CRNKL1: variants seen among roughly 807,000 people sequenced by gnomAD.
The protein encoded by CRNKL1 is crooked neck-like protein 1.
A neutral mutation model predicts 103.7 loss-of-function variants in CRNKL1; 35 were observed. The ratio of observed to expected loss-of-function variants is 0.34; its 90% confidence interval spans 0.26 to 0.45. The LOEUF (loss-of-function observed/expected upper bound fraction) is 0.45. CRNKL1 is among the 20% of genes least tolerant of loss of function. The probability of loss-of-function intolerance (pLI) is 1.00; values close to 1 mark genes in which losing one functional copy is unlikely to be tolerated. For synonymous variants in CRNKL1, 267 were observed against 282.6 expected (o/e 0.94, Z 0.55); for missense variants, 645 against 836.0 (o/e 0.77, Z 2.82).
upstream of CRNKL1, among the ~76,000 whole-genome samples, chr20:20,055,615 T>C (rs1455810344): frequency 2.6e-5 from 4 of 152,358 alleles, no homozygotes; most frequent in Non-Finnish European, 4.4e-5. Flanking sequence ...TTTACCAAAG[T>C]CAGTTATCTA....
At position 20,044,861 on chromosome 20, in the gene CRNKL1, T is replaced by C. The variant is rs111831140; in HGVS notation, c.801+447A>G. Among the ~76,000 whole-genome samples the C allele has an allele frequency of 9.3e-4, 141 of 152,150 alleles. 1 individual carries two copies. Among genetic ancestry groups the C allele is most frequent in the Non-Finnish European group, 1.8e-3 (122 of 68,024 alleles). On this transcript the variant is annotated intron_variant, in intron 6 of 13. Transcript: ENST00000536226. ...AACTCCTGGCCTCAAGTGATCCTTC[T>C]GCCTCATCTTCTCAATATTTGAGCT...
chr20:20,043,342 G>T, intron 7 of CRNKL1, 150 bp downstream of exon 7: 1 of 740,862 alleles, frequency 1.3e-6, no homozygotes, highest in Non-Finnish European at 2.2e-6. Flanking sequence ...ATTCCTACTT[G>T]TCTGAAATAG....
chr20:20,047,655 T>C (rs904920899), intron 5 of CRNKL1, 110 bp downstream of exon 5: 2 of 1,097,510 alleles, frequency 1.8e-6, no homozygotes, highest in Admixed American at 2.7e-5. Flanking sequence ...CATTCTTGAC[T>C]TTGAGCCTGA....
intron 6 of CRNKL1, among the ~76,000 whole-genome samples, chr20:20,045,078 T>C (rs1157810930): frequency 6.6e-6 from 1 of 152,214 alleles, no homozygotes; most frequent in Non-Finnish European, 1.5e-5. Flanking sequence ...GGCTTAATTT[T>C]CAAACAAAGC....
intron 12 of CRNKL1, among the ~76,000 whole-genome samples, chr20:20,037,910 AC>A (rs1403450835): frequency 6.6e-6 from 1 of 151,966 alleles, no homozygotes; most frequent in Non-Finnish European, 1.5e-5. Flanking sequence ...AACAGGTGAA[AC>A]CCTGTCTCTA....
rs75418870 is a variant in CRNKL1 at position 20,048,744 on chromosome 20, A to G, written c.297-243T>C. Among the ~76,000 whole-genome samples, 74 of 152,330 alleles carry G rather than the reference A, an allele frequency of 4.9e-4. 1 individual carries two copies. The highest frequency in any genetic ancestry group is 1.8e-3 in the African/African-American group (73 of 41,582). ...GTCAAGATCTGCACGGGAAACAGAG[A>G]GGAAGAAATGAAAATGTTTGGTGGA... On this transcript the variant is annotated intron_variant, in intron 3 of 13. Transcript: ENST00000536226.
intron 8 of CRNKL1, among the ~76,000 whole-genome samples, chr20:20,041,898 C>T (rs1352443644): frequency 2.0e-5 from 3 of 152,204 alleles, no homozygotes; most frequent in Non-Finnish European, 4.4e-5. Flanking sequence ...AAAGATGTTT[C>T]ATAGTCTCAG....
At chr20:20,050,058 C>T (rs1033352398) in intron 2 of CRNKL1, among the ~76,000 whole-genome samples, 1 of 152,224 alleles carries the variant, frequency 6.6e-6, no homozygotes, top group African/African-American at 2.4e-5. Flanking sequence ...CTCAGGTGAT[C>T]TGCCCGCCTC....
chr20:20,055,548 G>T (rs149700744), upstream of CRNKL1, among the ~76,000 whole-genome samples: 131 of 152,206 alleles, frequency 8.6e-4, 1 homozygote, highest in East Asian at 0.01. Context: ...TCACATCATT[G>T]CCACCTGGTT....
chr20:20,043,804 C>T, intron 6 of CRNKL1, 142 bp from the exon 7 acceptor site: 1 of 734,964 alleles, frequency 1.4e-6, no homozygotes, highest in Non-Finnish European at 2.2e-6. Context: ...TTTTCTCCCT[C>T]TTGTTGAAGG....
At position 20,034,761 on chromosome 20, in the gene CRNKL1, TCAA is replaced by T. The variant is rs780089925; in HGVS notation, c.*1431_*1433del. ...AGTCAGGCTGAAAACAGATTTTATC[TCAA>T]CAACAGTCCTAGTTTCTTCTGTCCT... On this transcript the variant is annotated 3_prime_UTR_variant, in exon 14 of 14. Coordinates refer to ENST00000536226, the MANE Select transcript of CRNKL1 (RefSeq NM_001278628.2). The T allele has an allele frequency of 6.6e-6, 1 of 152,242 alleles. No homozygotes were observed. Among genetic ancestry groups the T allele is most frequent in the Non-Finnish European group, 1.5e-5 (1 of 68,048 alleles). The allele number at this position is 152,242 out of a possible 1,614,324, so 9.4% of individuals were successfully genotyped here.
intron 12 of CRNKL1, 111 bp downstream of exon 12, chr20:20,038,238 T>TAAAA (rs11329914): frequency 5.0e-5 from 26 of 520,384 alleles, no homozygotes; most frequent in Non-Finnish European, 7.6e-5. Flanking sequence ...AGGAAGTCAT[T>TAAAA]AAAAAAAAAA....
At chr20:20,052,810 C>T (rs562669946), upstream of CRNKL1, 143 of 1,331,674 alleles carry the variant, frequency 1.1e-4, 1 homozygote, top group East Asian at 1.2e-3. Flanking sequence ...TCCCAGCATG[C>T]GACGGGGCGA....
chr20:20,043,942 C>T (rs572134358), intron 6 of CRNKL1, among the ~76,000 whole-genome samples: 1 of 152,312 alleles, frequency 6.6e-6, no homozygotes, highest in South Asian at 2.1e-4. Context: ...TGTTTCCTCC[C>T]CACTCAAACT....
chr20:20,049,489 C>A, intron 2 of CRNKL1, 58 bp from the exon 3 acceptor site: 1 of 873,888 alleles, frequency 1.1e-6, no homozygotes, highest in Non-Finnish European at 1.9e-6. Context: ...TGACAGCACC[C>A]TTGGTCTATT....
At chr20:20,055,999 C>T, upstream of CRNKL1, 1 of 1,609,454 alleles carries the variant, frequency 6.2e-7, no homozygotes, top group Non-Finnish European at 8.5e-7. Context: ...GTTAGGTTCT[C>T]CACTGTTGCC....
At chr20:20,055,962 G>T (rs1458271018), upstream of CRNKL1, 4 of 1,610,478 alleles carry the variant, frequency 2.5e-6, no homozygotes, top group Admixed American at 6.8e-5. Context: ...TTTGTCAACA[G>T]CATTTCCCAA....
chr20:20,049,036 T>C (rs1415373104), intron 3 of CRNKL1, among the ~76,000 whole-genome samples: 3 of 111,782 alleles, frequency 2.7e-5, no homozygotes, highest in African/African-American at 5.4e-5. Flanking sequence ...TTTATTTTTT[T>C]TGGCCATTGT....
At chr20:20,054,112 C>G (rs929489489), upstream of CRNKL1, among the ~76,000 whole-genome samples, 1 of 148,072 alleles carries the variant, frequency 6.8e-6, no homozygotes, top group African/African-American at 2.5e-5. Context: ...CTTCTTATTT[C>G]CCAGCATTTA....
Sources: gnomAD v4.1 joint callset for allele counts (sites outside exome capture counted in the v4.1 genomes callset) on GRCh38, gnomAD v4.1.1 for gene constraint, MANE v1.5 for transcripts, NCBI Gene and HGNC (gene_info 2026-07-23, HGNC 2026-07-21) for gene names.